SV2C: variants seen among roughly 807,000 people sequenced by gnomAD.
The protein encoded by SV2C is solute carrier family 22 member B3.
SV2C carries 49 observed loss-of-function variants against 79.7 expected under a neutral mutation model. That is an observed-to-expected ratio of 0.61 (90% CI 0.49 to 0.78). The LOEUF is 0.78. SV2C is among the 30% of genes least tolerant of loss of function. The pLI is 0.00. For synonymous variants in SV2C, 334 were observed against 333.2 expected (o/e 1.00, Z -0.03); for missense variants, 833 against 912.9 (o/e 0.91, Z 1.13).
chr5:75,984,845 A>G, the SV2C span, among the ~76,000 whole-genome samples: 1 of 151,968 alleles, frequency 6.6e-6, no homozygotes, highest in African/African-American at 2.4e-5. Flanking sequence ...CAGGTTTTCA[A>G]TTGATTGAAT....
the SV2C span, among the ~76,000 whole-genome samples, chr5:75,875,831 A>G: frequency 6.6e-6 from 1 of 152,168 alleles, no homozygotes; most frequent in African/African-American, 2.4e-5. Context: ...AAAAAGCTCA[A>G]TATCACTGAT....
intron 2 of SV2C, among the ~76,000 whole-genome samples, chr5:76,184,578 C>G (rs965253657): frequency 4.6e-5 from 7 of 152,160 alleles, no homozygotes; most frequent in Admixed American, 6.5e-5. Context: ...ACAATCATGG[C>G]AAAAGGCACC....
At chr5:75,968,839 T>G in the SV2C span, among the ~76,000 whole-genome samples, 3 of 151,992 alleles carry the variant, frequency 2.0e-5, no homozygotes, top group East Asian at 5.8e-4. Context: ...ACAAAGATAC[T>G]CCTCGAGAAG....
At chr5:76,150,470 C>T (rs940054770) in intron 2 of SV2C, among the ~76,000 whole-genome samples, 4 of 151,704 alleles carry the variant, frequency 2.6e-5, no homozygotes, top group African/African-American at 9.7e-5. Context: ...GCCACGGCAC[C>T]CAGCCTCTGT....
At chr5:76,268,897 T>C (rs1394192683) in intron 4 of SV2C, among the ~76,000 whole-genome samples, 1 of 152,214 alleles carries the variant, frequency 6.6e-6, no homozygotes, top group Non-Finnish European at 1.5e-5. Context: ...TATAATTGCA[T>C]AGCAAAAACT....
At chr5:75,885,312 G>A in the SV2C span, among the ~76,000 whole-genome samples, 1 of 152,098 alleles carries the variant, frequency 6.6e-6, no homozygotes, top group South Asian at 2.1e-4. Context: ...ATTTAAGAAT[G>A]TTTATATCCA....
chr5:76,335,122 C>T (rs73764348), downstream of SV2C, among the ~76,000 whole-genome samples: 170 of 152,324 alleles, frequency 1.1e-3, no homozygotes, highest in African/African-American at 3.9e-3. Flanking sequence ...ATATTGAACA[C>T]TGAAAACATA....
intron 2 of SV2C, among the ~76,000 whole-genome samples, chr5:76,179,845 G>C (rs1490192871): frequency 6.6e-6 from 1 of 152,200 alleles, no homozygotes; most frequent in East Asian, 1.9e-4. Flanking sequence ...AGGAGTATCA[G>C]TAATGGCCTG....
At chr5:76,146,871 A>T (rs533137389) in intron 2 of SV2C, among the ~76,000 whole-genome samples, 2 of 151,698 alleles carry the variant, frequency 1.3e-5, no homozygotes, top group Non-Finnish European at 2.9e-5. Flanking sequence ...AAAAAGTTTT[A>T]AAAAGAAAAA....
chr5:75,906,993 ACT>A, the SV2C span, among the ~76,000 whole-genome samples: 1 of 151,966 alleles, frequency 6.6e-6, no homozygotes, highest in African/African-American at 2.4e-5. Flanking sequence ...ATATTGAGAA[ACT>A]CTGTCTTAGA....
chr5:76,229,467 C>A lies in SV2C; in HGVS notation c.913+19580C>A, dbSNP rs537569153. On this transcript the variant is annotated intron_variant, in intron 4 of 12. Transcript: ENST00000502798. ...CTCTTCTTTCCATTTGGACTTGGAGCAAGTCCTTCAGTGGGGTTAGTTACT... is the reference window on the plus strand; with the variant it reads ...CTCTTCTTTCCATTTGGACTTGGAGAAAGTCCTTCAGTGGGGTTAGTTACT... Among the ~76,000 whole-genome samples, 40 of 152,328 alleles carry A rather than the reference C, an allele frequency of 2.6e-4. No individual in the cohort carries two copies. In the South Asian group the frequency reaches 8.3e-3, roughly 32 times the overall value.
the SV2C span, among the ~76,000 whole-genome samples, chr5:76,049,923 CTA>C: frequency 6.6e-6 from 1 of 152,182 alleles, no homozygotes; most frequent in African/African-American, 2.4e-5. Context: ...TACATCATGA[CTA>C]TGAAGAGCAG....
chr5:75,859,663 C>A, the SV2C span, among the ~76,000 whole-genome samples: 2 of 152,112 alleles, frequency 1.3e-5, no homozygotes, highest in Non-Finnish European at 2.9e-5. Context: ...ATAACCACTC[C>A]GCGGCATTCC....
the SV2C span, among the ~76,000 whole-genome samples, chr5:76,022,122 C>G: frequency 1.3e-5 from 2 of 152,204 alleles, no homozygotes; most frequent in African/African-American, 2.4e-5. Context: ...GCCTCTCACT[C>G]TTTCTCTCTG....
the SV2C span, among the ~76,000 whole-genome samples, chr5:75,887,034 C>T: frequency 6.6e-6 from 1 of 151,964 alleles, no homozygotes; most frequent in Non-Finnish European, 1.5e-5. Context: ...GTAATTTGTC[C>T]TTCACTTTAT....
At chr5:76,206,175 G>A (rs112763779) in intron 3 of SV2C, among the ~76,000 whole-genome samples, 2,109 of 152,264 alleles carry the variant, frequency 0.014, 23 homozygotes, top group Non-Finnish European at 0.022. Context: ...TTGGGGGTTG[G>A]GGAGTGGCAG....
the SV2C span, among the ~76,000 whole-genome samples, chr5:76,029,309 A>C: frequency 2.6e-5 from 4 of 152,218 alleles, no homozygotes; most frequent in African/African-American, 4.8e-5. Flanking sequence ...ATGTCATACA[A>C]TAGATCTCTT....
the SV2C span, among the ~76,000 whole-genome samples, chr5:76,047,745 A>G: frequency 1.3e-5 from 2 of 151,450 alleles, no homozygotes; most frequent in Non-Finnish European, 2.9e-5. Flanking sequence ...TTAACAATAT[A>G]CCGTATTCTT....
At chr5:75,997,384 A>G in the SV2C span, among the ~76,000 whole-genome samples, 1 of 150,948 alleles carries the variant, frequency 6.6e-6, no homozygotes, top group African/African-American at 2.4e-5. Context: ...AAAAAAACCT[A>G]CCATCAGAGT....
Sources: gnomAD v4.1 joint callset for allele counts (sites outside exome capture counted in the v4.1 genomes callset) on GRCh38, gnomAD v4.1.1 for gene constraint, MANE v1.5 for transcripts, NCBI Gene and HGNC (gene_info 2026-07-23, HGNC 2026-07-21) for gene names.